CDH10: variants seen among roughly 807,000 people sequenced by gnomAD.
CDH10 encodes the protein cadherin 10.
In CDH10, 30 loss-of-function variants were observed where a neutral mutation model predicts 73.1. The ratio of observed to expected loss-of-function variants is 0.41; its 90% CI spans 0.31 to 0.56. CDH10 has a LOEUF of 0.56. Among genes scored for constraint, CDH10 ranks in the 20% least tolerant of loss-of-function variants. CDH10 has a pLI of 0.27. For missense variants in CDH10, 815 were observed against 973.7 expected (o/e 0.84, Z 2.17); for synonymous variants, 345 against 348.2 (o/e 0.99, Z 0.10).
At chr5:24,520,977 TC>T (rs34054315) in intron 5 of CDH10, among the ~76,000 whole-genome samples, 54,324 of 151,700 alleles carry the variant, frequency 0.36, 11,874 homozygotes, top group East Asian at 0.58. Flanking sequence ...GGATTCGGCC[TC>T]CCAAAGCATG....
At chr5:24,551,222 A>G (rs549982337) in intron 2 of CDH10, among the ~76,000 whole-genome samples, 1 of 152,288 alleles carries the variant, frequency 6.6e-6, no homozygotes, top group East Asian at 1.9e-4. Flanking sequence ...ATTCCATGGA[A>G]TGAGACTCAC....
At chr5:24,638,935 T>G (rs1209149384) in intron 1 of CDH10, among the ~76,000 whole-genome samples, 2 of 151,788 alleles carry the variant, frequency 1.3e-5, no homozygotes, top group Non-Finnish European at 3.0e-5. Context: ...TTCATGTTTT[T>G]GATCTTATTA....
chr5:24,491,260 T>G (rs1742043386), intron 11 of CDH10, among the ~76,000 whole-genome samples: 2 of 152,204 alleles, frequency 1.3e-5, no homozygotes, highest in African/African-American at 4.8e-5. Context: ...CTGCATTCAT[T>G]GTTCTTGCTT....
chr5:24,503,886 G>C (rs1260214172), intron 8 of CDH10, among the ~76,000 whole-genome samples: 5 of 152,112 alleles, frequency 3.3e-5, no homozygotes, highest in Non-Finnish European at 7.3e-5. Flanking sequence ...ATCTGTAAAA[G>C]AGAAGTAGTA....
At chr5:24,628,093 G>A (rs1420585450) in intron 1 of CDH10, among the ~76,000 whole-genome samples, 2 of 152,044 alleles carry the variant, frequency 1.3e-5, no homozygotes, top group African/African-American at 4.8e-5. Context: ...TTTCCCAGGG[G>A]AAATAAAAAC....
At chr5:24,556,453 T>C (rs1045106876) in intron 2 of CDH10, among the ~76,000 whole-genome samples, 2 of 152,086 alleles carry the variant, frequency 1.3e-5, no homozygotes, top group African/African-American at 2.4e-5. Context: ...ACTGTGAAGA[T>C]TGTGTTAATT....
chr5:24,586,518 C>T (rs1253211075), intron 2 of CDH10, among the ~76,000 whole-genome samples: 1 of 141,430 alleles, frequency 7.1e-6, no homozygotes, highest in Non-Finnish European at 1.5e-5. Flanking sequence ...TCTCAACTCA[C>T]TGCAACCTCC....
intron 2 of CDH10, among the ~76,000 whole-genome samples, chr5:24,591,434 G>C (rs886453650): frequency 6.6e-6 from 1 of 151,870 alleles, no homozygotes; most frequent in Non-Finnish European, 1.5e-5. Context: ...AAGAACTGAT[G>C]AACACATTCA....
At chr5:24,506,727 T>TGAAA (rs1298296974) in intron 7 of CDH10, among the ~76,000 whole-genome samples, 1 of 152,310 alleles carries the variant, frequency 6.6e-6, no homozygotes, top group East Asian at 1.9e-4. Context: ...ATTTGTTAAA[T>TGAAA]GAAAGAAAGA....
chr5:24,517,953 A>G (rs978570479), intron 5 of CDH10, among the ~76,000 whole-genome samples: 1 of 152,170 alleles, frequency 6.6e-6, no homozygotes. Context: ...CCTTGACAAC[A>G]TTTTAGATTT....
In CDH10 at chr5:24,538,290, AG is replaced by A. The variant is rs1375026836; in HGVS notation, c.232-617del. On this transcript the variant is annotated intron_variant, in intron 2 of 11. Coordinates refer to ENST00000264463, the MANE Select transcript of CDH10 (RefSeq NM_006727.5). ...CATAACACATGTCTGTAAATTTTAAAGTTATAAATAAAATTAATGAACTATA... is the reference window on the plus strand; with the variant it reads ...CATAACACATGTCTGTAAATTTTAAATTATAAATAAAATTAATGAACTATA... Among the ~76,000 whole-genome samples, 30 of 152,280 alleles carry A rather than the reference AG, an allele frequency of 2.0e-4. 1 individual carries two copies. The East Asian group carries it at 5.8e-3, about 29-fold the overall frequency.
chr5:24,629,579 C>A (rs1432869595), intron 1 of CDH10, among the ~76,000 whole-genome samples: 1 of 151,062 alleles, frequency 6.6e-6, no homozygotes, highest in South Asian at 2.1e-4. Flanking sequence ...AAATTGTAAT[C>A]CCCAGGTGTT....
At chr5:24,528,081 C>A (rs978002428) in intron 5 of CDH10, among the ~76,000 whole-genome samples, 2 of 151,746 alleles carry the variant, frequency 1.3e-5, no homozygotes, top group African/African-American at 4.8e-5. Context: ...CTTTGTAACT[C>A]CTTCAAACTA....
intron 2 of CDH10, among the ~76,000 whole-genome samples, chr5:24,576,164 T>C (rs1745591725): frequency 6.6e-6 from 1 of 152,136 alleles, no homozygotes; most frequent in Admixed American, 6.5e-5. Context: ...TAATCTCTCA[T>C]CTGTATTTCT....
intron 2 of CDH10, among the ~76,000 whole-genome samples, chr5:24,574,581 A>C (rs1051399395): frequency 6.6e-6 from 1 of 151,982 alleles, no homozygotes; most frequent in Non-Finnish European, 1.5e-5. Context: ...GCCACTCCAG[A>C]TCTGATGCCA....
intron 1 of CDH10, among the ~76,000 whole-genome samples, chr5:24,609,551 G>T (rs1746875287): frequency 6.6e-6 from 1 of 152,160 alleles, no homozygotes; most frequent in African/African-American, 2.4e-5. Context: ...ATGAGAATAT[G>T]TTAAGACAAC....
chr5:24,583,869 T>C (rs1452208154), intron 2 of CDH10, among the ~76,000 whole-genome samples: 2 of 152,166 alleles, frequency 1.3e-5, no homozygotes, highest in Non-Finnish European at 2.9e-5. Flanking sequence ...GGTCTTGAAC[T>C]CCTGACCTCG....
intron 5 of CDH10, among the ~76,000 whole-genome samples, chr5:24,527,145 A>C (rs1743561362): frequency 6.6e-6 from 1 of 150,568 alleles, no homozygotes; most frequent in African/African-American, 2.4e-5. Context: ...ATGTGTGTAC[A>C]CATTTATGTT....
chr5:24,552,044 A>G (rs1414376342), intron 2 of CDH10, among the ~76,000 whole-genome samples: 1 of 152,166 alleles, frequency 6.6e-6, no homozygotes, highest in Non-Finnish European at 1.5e-5. Flanking sequence ...ATAAACAAGA[A>G]CAAAGTATTC....
Sources: allele counts gnomAD v4.1 joint callset (sites outside exome capture counted in the v4.1 genomes callset), GRCh38; gene constraint gnomAD v4.1.1; transcripts MANE v1.5; gene names NCBI Gene and HGNC (gene_info 2026-07-23, HGNC 2026-07-21).